ARHGAP33: variants seen among roughly 807,000 people sequenced by gnomAD.
ARHGAP33 encodes rho GTPase-activating protein 33.
In ARHGAP33, 57 loss-of-function variants were observed where a neutral mutation model predicts 126.2. The ratio of observed to expected loss-of-function variants is 0.45; its 90% CI spans 0.36 to 0.56. The LOEUF (loss-of-function observed/expected upper bound fraction) is 0.56. Ranked by LOEUF, ARHGAP33 falls within the 20% of genes least tolerant of loss-of-function variation. The pLI is 0.00. For missense variants in ARHGAP33, 1,500 were observed against 1,748.3 expected, an observed-to-expected ratio of 0.86 and a Z score of 2.53; for synonymous variants, 711 against 755.0, an observed-to-expected ratio of 0.94 and a Z score of 0.95.
rs1972097538 is a variant in ARHGAP33 at position 35,786,087 on chromosome 19, CTCT to C, written c.1943-322_1943-320del. 38 of 1,220,136 alleles carry C rather than the reference CTCT, an allele frequency of 3.1e-5. No individual in the cohort carries two copies. The highest frequency in any genetic ancestry group is 3.7e-5 in the Non-Finnish European group (36 of 977,266). 75.6% of individuals were successfully genotyped at this position (1,220,136 alleles called of 1,614,324 possible). A position where few individuals can be genotyped will look rare whatever the true frequency, so the allele number is the denominator to read the frequency against. On this transcript the variant is annotated intron_variant, in intron 19 of 20. Coordinates refer to ENST00000007510, the MANE Select transcript of ARHGAP33 (RefSeq NM_001366178.1). This position sits in a 1 kb window ranked among gnomAD's most constrained non-coding sequence, Gnocchi z 7.0. Reference sequence around the variant, plus strand: ...CCCCACCCAGCCGTGCCTCTGGGGGCTCTTCTGAGCCACCGCGCCATCCTCACA... The same window carrying C: ...CCCCACCCAGCCGTGCCTCTGGGGGCTCTGAGCCACCGCGCCATCCTCACA...
At position 35,788,166 on chromosome 19, in the gene ARHGAP33, C is replaced by T. The variant is rs762235952; in HGVS notation, c.3601C>T (p.Pro1201Ser). 2 of 1,602,194 alleles carry T rather than the reference C, an allele frequency of 1.2e-6. No homozygotes were observed. The highest frequency in any genetic ancestry group is 1.3e-5 in the African/African-American group (1 of 74,142). ...AHPRSRSDPG[P>S]PVPRLPQKQR... is the part of the protein sequence containing the mutation. ...CCCCCGAAGCCGTTCAGATCCCGGTCCCCCAGTCCCCCGCCTTCCCCAGAA... is the reference window on the plus strand; with the variant it reads ...CCCCCGAAGCCGTTCAGATCCCGGTTCCCCAGTCCCCCGCCTTCCCCAGAA... Residue 1201 changes from proline to serine, a missense_variant, in exon 21 of 21, where the codon CCC becomes TCC. By Grantham distance (74) the Pro-to-Ser change is moderately conservative. Transcript: ENST00000007510.
At chr19:35,785,151 T>G (rs746367211) in intron 17 of ARHGAP33, 38 bp from the exon 18 acceptor site, 4 of 1,581,000 alleles carry the variant, frequency 2.5e-6, no homozygotes, top group Non-Finnish European at 3.5e-6. Context: ...GGAGGCCTGG[T>G]TCCTCAGACG....
Position 35,787,637 on chromosome 19 carries a change from C to T in ARHGAP33, c.3072C>T (p.Pro1024=), listed in dbSNP as rs1417277926. The T allele has an allele frequency of 6.3e-7, 1 of 1,593,496 alleles. No individual in the cohort carries two copies. The highest frequency in any genetic ancestry group is 8.5e-7 in the Non-Finnish European group (1 of 1,174,636). ...EAAAQSPCSV[P]SQVPTPGFFS... ...CAGCCCAGTCCCCATGTTCTGTCCC[C>T]TCACAGGTTCCTACCCCCGGCTTCT... is the stretch of plus-strand genomic sequence containing the variant. The change falls in exon 21 of 21, where the codon CCC becomes CCT. Residue 1024 remains proline (P), a synonymous_variant. Coordinates refer to ENST00000007510, the MANE Select transcript of ARHGAP33 (RefSeq NM_001366178.1).
intron 15 of ARHGAP33, among the ~76,000 whole-genome samples, chr19:35,783,698 G>A (rs536228320): frequency 8.5e-5 from 13 of 152,256 alleles, no homozygotes; most frequent in Admixed American, 6.5e-5. Context: ...CAGGTCATGG[G>A]TCACAGTGAG....
At position 35,780,603 on chromosome 19, in the gene ARHGAP33, T is replaced by C. The variant is rs1324847898; in HGVS notation, c.724T>C (p.Cys242Arg). 8.1e-6 allele frequency: 13 copies of C among 1,607,714 alleles called. No individual in the cohort carries two copies. The Admixed American group carries it at 1.9e-4, about 23-fold the overall frequency. ...GFQVGFFPSE[C>R]VELFTERPGP... ...TCAGGTCGGGTTCTTCCCCAGTGAG[T>C]GTGTGGAACTCTTCACAGAGCGGCC... Residue 242 changes from cysteine (C) to arginine (R), a missense_variant, in exon 9 of 21, where the codon TGT (cysteine) becomes CGT (arginine). Coordinates refer to ENST00000007510, the MANE Select transcript of ARHGAP33 (RefSeq NM_001366178.1).
intron 6 of ARHGAP33, 47 bp downstream of exon 6, chr19:35,779,171 G>T: frequency 1.4e-6 from 2 of 1,473,478 alleles, no homozygotes; most frequent in Non-Finnish European, 1.9e-6. Context: ...GTGAGGGGGT[G>T]TCTGAGGGGC....
chr19:35,780,200 C>T lies in ARHGAP33; in HGVS notation c.502-11C>T, dbSNP rs148426046. 6.2e-7 allele frequency: 1 copy of T among 1,613,170 alleles called. No homozygotes were observed. Among genetic ancestry groups the T allele is most frequent in the Non-Finnish European group, 8.5e-7 (1 of 1,179,626 alleles). ...CTGACCTGTCCTTGCCACATTCCAC[C>T]TCTATTTCAGCTGGACAATCACGGC... On this transcript the variant is annotated splice_polypyrimidine_tract_variant and intron_variant, in intron 6 of 20. Transcript: ENST00000007510.
At position 35,786,415 on chromosome 19, in the gene ARHGAP33, C is replaced by T. The variant is rs1337089799; in HGVS notation, c.1945C>T (p.Leu649Phe). 2.0e-6 allele frequency: 3 copies of T among 1,530,888 alleles called. No individual in the cohort carries two copies. The highest frequency in any genetic ancestry group is 2.6e-6 in the Non-Finnish European group (3 of 1,143,806). The allele number at this position is 1,530,888 out of a possible 1,614,324, so 94.8% of individuals were successfully genotyped here. The change falls in exon 20 of 21, where the codon CTC becomes TTC. Residue 649 changes from leucine (L) to phenylalanine (F), a missense_variant and splice_region_variant. By Grantham distance (22) the Leu-to-Phe change is conservative. Around this residue, in one of 6 missense-constraint regions of ARHGAP33, gnomAD observed 300 missense variants for 291.1 expected, o/e 1.03. Coordinates refer to ENST00000007510, the MANE Select transcript of ARHGAP33 (RefSeq NM_001366178.1). This position sits in a 1 kb window ranked among gnomAD's most constrained non-coding sequence, Gnocchi z 7.0. ...TCTCACTGACCCCACCCCTCCAGGC[C>T]TCCAGAGGCTGCACAGGCTGCGGCG... ...SLSSQASGAG[L>F]QRLHRLRRPH...
rs564065460 is a variant in ARHGAP33, at chr19:35,786,330, G to A, written c.1943-83G>A. The A allele has an allele frequency of 9.8e-5, 142 of 1,453,566 alleles. 2 individuals carry two copies. The South Asian group carries it at 1.3e-3, about 14-fold the overall frequency. The allele number at this position is 1,453,566 out of a possible 1,614,324, so 90.0% of individuals were successfully genotyped here. On this transcript the variant is annotated intron_variant, in intron 19 of 20. Coordinates refer to ENST00000007510, the MANE Select transcript of ARHGAP33 (RefSeq NM_001366178.1). This position sits in a 1 kb window ranked among gnomAD's most constrained non-coding sequence, Gnocchi z 7.0. ...ACTACTGTGGCCCTCTCCAGGAGGC[G>A]CCTCTTCATGTCCTTTCCCCAGCTT...
At chr19:35,777,450 C>G (rs946438582) in intron 1 of ARHGAP33, 195 bp from the exon 2 acceptor site, 2 of 606,522 alleles carry the variant, frequency 3.3e-6, no homozygotes, top group Non-Finnish European at 5.9e-6. Flanking sequence ...TCTCCAGTCC[C>G]CCACCCCAGA....
chr19:35,775,683 C>G lies in ARHGAP33; in HGVS notation c.6+19C>G. On this transcript the variant is annotated intron_variant, in intron 1 of 20. Transcript: ENST00000007510. ...CATGGTGGTAAGGGTCCCACGCGGC[C>G]GTCAGCCTGTCCGTCCGGATGTCAG... is the stretch of plus-strand genomic sequence containing the variant. 6.5e-7 allele frequency: 1 copy of G among 1,541,192 alleles called. No individual in the cohort carries two copies. The highest frequency in any genetic ancestry group is 8.7e-7 in the Non-Finnish European group (1 of 1,149,050).
rs1236475323 is a variant in ARHGAP33, at chr19:35,785,277, C to T, written c.1810C>T (p.Pro604Ser). ...TGCACTGGGCCGGGGCCCCAGTGTC[C>T]CTCGAAAGAAGCCCCTGCCCTGGCT... The part of the protein sequence containing the change: ...FFALGRGPSV[P>S]RKKPLPWLGG... Residue 604 changes from proline (P) to serine (S), a missense_variant, in exon 18 of 21, where the codon CCT becomes TCT. Pro to Ser is a moderately conservative substitution (Grantham distance 74). Coordinates refer to ENST00000007510, the MANE Select transcript of ARHGAP33 (RefSeq NM_001366178.1). The T allele has an allele frequency of 6.3e-7, 1 of 1,598,320 alleles. No individual in the cohort carries two copies. Among genetic ancestry groups the T allele is most frequent in the Non-Finnish European group, 8.5e-7 (1 of 1,172,302 alleles).
At chr19:35,784,758 C>T in intron 16 of ARHGAP33, 195 bp from the exon 17 acceptor site, 2 of 1,361,896 alleles carry the variant, frequency 1.5e-6, no homozygotes, top group Non-Finnish European at 1.9e-6. Context: ...GCTGCCTCCT[C>T]ATCAGCTCGT....
At chr19:35,787,140 C>T (rs749002522) in intron 20 of ARHGAP33, 28 bp from the exon 21 acceptor site, 8 of 1,605,822 alleles carry the variant, frequency 5.0e-6, no homozygotes, top group Non-Finnish European at 5.9e-6. Flanking sequence ...CTGGCCCCAG[C>T]TGAACCCCTC....
At position 35,786,340 on chromosome 19, in the gene ARHGAP33, G is replaced by A. The variant is rs907851483; in HGVS notation, c.1943-73G>A. On this transcript the variant is annotated intron_variant, in intron 19 of 20. Transcript: ENST00000007510. The surrounding 1 kb of genome is among the most constrained non-coding windows in gnomAD (Gnocchi z 7.0). ...CCCTCTCCAGGAGGCGCCTCTTCAT[G>A]TCCTTTCCCCAGCTTTCTGTGGGGC... The A allele has an allele frequency of 1.8e-5, 27 of 1,462,878 alleles. No individual in the cohort carries two copies. The highest frequency in any genetic ancestry group is 2.4e-5 in the Non-Finnish European group (27 of 1,111,340). The allele number at this position is 1,462,878 out of a possible 1,614,324, so 90.6% of individuals were successfully genotyped here. A position where few individuals can be genotyped will look rare whatever the true frequency, so the allele number is the denominator to read the frequency against.
In ARHGAP33 at chr19:35,786,905, G is replaced by A. The variant is rs374967353; in HGVS notation, c.2435G>A (p.Gly812Glu). 6.2e-7 allele frequency: 1 copy of A among 1,609,582 alleles called. No homozygotes were observed. Among genetic ancestry groups the A allele is most frequent in the Non-Finnish European group, 8.5e-7 (1 of 1,179,420 alleles). The change falls in exon 20 of 21, where the codon GGG (glycine) becomes GAG (glutamate). Residue 812 changes from glycine to glutamate, a missense_variant. Transcript: ENST00000007510. The surrounding 1 kb of genome is among the most constrained non-coding windows in gnomAD (Gnocchi z 7.0). ...SVPPAVLELLGAGGAPASATP... is the reference protein window; with the variant it reads ...SVPPAVLELLEAGGAPASATP... ...CCACCCGCTGTCCTAGAACTGCTGG[G>A]GGCTGGGGGAGCACCTGCCTCAGCC... is the stretch of plus-strand genomic sequence containing the variant.
chr19:35,785,263 G>C lies in ARHGAP33; in HGVS notation c.1796G>C (p.Arg599Pro). 5.0e-6 allele frequency: 8 copies of C among 1,595,808 alleles called. No individual in the cohort carries two copies. Among genetic ancestry groups the C allele is most frequent in the Non-Finnish European group, 6.8e-6 (8 of 1,170,542 alleles). Residue 599 changes from arginine (R) to proline (P), a missense_variant, in exon 18 of 21, where the codon CGG becomes CCG. This residue lies in a region of ARHGAP33 where 300 missense variants were observed against 291.1 expected (regional missense o/e 1.03). Transcript: ENST00000007510. ...TGGAAGACGTTCTTTGCACTGGGCC[G>C]GGGCCCCAGTGTCCCTCGAAAGAAG... ...SSWKTFFALG[R>P]GPSVPRKKPL...
Position 35,788,180 on chromosome 19 carries a change from C to T in ARHGAP33, c.3615C>T (p.Arg1205=), listed in dbSNP as rs1972226664. The T allele has an allele frequency of 6.2e-7, 1 of 1,608,264 alleles. No individual in the cohort carries two copies. Among genetic ancestry groups the T allele is most frequent in the African/African-American group, 1.3e-5 (1 of 74,388 alleles). The change falls in exon 21 of 21, where the codon CGC becomes CGT. Residue 1205 remains arginine, a synonymous_variant. Coordinates refer to ENST00000007510, the MANE Select transcript of ARHGAP33 (RefSeq NM_001366178.1). The part of the protein sequence containing the change: ...SRSDPGPPVP[R]LPQKQRAPWG... ...CAGATCCCGGTCCCCCAGTCCCCCG[C>T]CTTCCCCAGAAACAACGGGCACCCT...
At position 35,785,175 on chromosome 19, in the gene ARHGAP33, C is replaced by T. The variant is rs1324467341; in HGVS notation, c.1722-14C>T. ...GTTCCTCAGACGGCCTCCTGTTTCTCCCCCAAACCGCAGGAGGAAAGGGGA... is the reference window on the plus strand; with the variant it reads ...GTTCCTCAGACGGCCTCCTGTTTCTTCCCCAAACCGCAGGAGGAAAGGGGA... On this transcript the variant is annotated splice_polypyrimidine_tract_variant and intron_variant, in intron 17 of 20. Coordinates refer to ENST00000007510, the MANE Select transcript of ARHGAP33 (RefSeq NM_001366178.1). The T allele has an allele frequency of 3.2e-6, 5 of 1,575,638 alleles. No homozygotes were observed. The African/African-American group carries it at 4.1e-5, about 13-fold the overall frequency.
Sources: allele counts gnomAD v4.1 joint callset (sites outside exome capture counted in the v4.1 genomes callset), GRCh38; gene constraint gnomAD v4.1.1; regional missense constraint gnomAD v4.1.1; non-coding constraint Gnocchi (gnomAD v3.1); transcripts MANE v1.5; gene names NCBI Gene and HGNC (gene_info 2026-07-23, HGNC 2026-07-21).